The following DPP6 variants were observed in gnomAD, a reference collection of about 807,000 sequenced individuals.
DPP6 encodes dipeptidyl peptidase like 6, also known as A-type potassium channel modulatory protein DPP6.
In DPP6, 69 loss-of-function variants were observed where a neutral mutation model predicts 122.6. The ratio of observed to expected loss-of-function variants is 0.56; its 90% CI spans 0.46 to 0.69. The LOEUF (loss-of-function observed/expected upper bound fraction) is 0.69. DPP6 is among the 30% of genes least tolerant of loss of function. The pLI, the probability that DPP6 is intolerant of heterozygous loss-of-function variation, is 0.00. For synonymous variants in DPP6, 418 were observed against 433.1 expected, an observed-to-expected ratio of 0.97 and a Z score of 0.43; for missense variants, 928 against 1,116.9, an observed-to-expected ratio of 0.83 and a Z score of 2.41.
chr7:154,146,730 C>T (rs1319286470), intron 1 of DPP6, among the ~76,000 whole-genome samples: 2 of 152,022 alleles, frequency 1.3e-5, no homozygotes, highest in Non-Finnish European at 1.5e-5. Flanking sequence ...GCACTTGTGT[C>T]GGAGAAAGAC....
At chr7:153,952,772 T>G (rs1347564283) in intron 1 of DPP6, among the ~76,000 whole-genome samples, 1 of 152,230 alleles carries the variant, frequency 6.6e-6, no homozygotes, top group Non-Finnish European at 1.5e-5. Context: ...CATCCTTCAC[T>G]ATGAGAACTT....
intron 8 of DPP6, among the ~76,000 whole-genome samples, chr7:154,736,611 T>C (rs905075479): frequency 6.6e-6 from 1 of 152,240 alleles, no homozygotes; most frequent in Non-Finnish European, 1.5e-5. Flanking sequence ...ACGAGGCTAC[T>C]GACATCATGT....
chr7:154,063,294 C>G (rs1262386756), intron 1 of DPP6, among the ~76,000 whole-genome samples: 1 of 132,342 alleles, frequency 7.6e-6, no homozygotes, highest in Non-Finnish European at 1.6e-5. Context: ...GGAGGGACCC[C>G]CCATGAGGCG....
chr7:153,749,320 A>G, the DPP6 span, among the ~76,000 whole-genome samples: 1 of 152,000 alleles, frequency 6.6e-6, no homozygotes, highest in African/African-American at 2.4e-5. This position sits in a 1 kb window ranked among gnomAD's most constrained non-coding sequence, Gnocchi z 4.1. Context: ...GCTGTTTCCC[A>G]TGATTGCGAG....
intron 5 of DPP6, among the ~76,000 whole-genome samples, chr7:154,584,227 C>G (rs1832278366): frequency 6.6e-6 from 1 of 152,186 alleles, no homozygotes; most frequent in Middle Eastern, 3.2e-3. Flanking sequence ...TGCTCCTTCC[C>G]TCTCACCTCT....
intron 1 of DPP6, among the ~76,000 whole-genome samples, chr7:154,361,895 C>T (rs1400410729): frequency 1.3e-5 from 2 of 152,212 alleles, no homozygotes; most frequent in Non-Finnish European, 2.9e-5. Context: ...ATCGACTTAT[C>T]GACTGCACTG....
intron 1 of DPP6, among the ~76,000 whole-genome samples, chr7:154,000,873 A>C (rs1017622879): frequency 2.0e-5 from 3 of 152,190 alleles, no homozygotes; most frequent in Non-Finnish European, 4.4e-5. Context: ...GACGGACTCC[A>C]GGCTTTAAGT....
intron 1 of DPP6, among the ~76,000 whole-genome samples, chr7:154,073,186 C>G (rs1039932891): frequency 6.6e-6 from 1 of 152,232 alleles, no homozygotes; most frequent in African/African-American, 2.4e-5. Context: ...TTCCTTCGTG[C>G]CCTGGGCGGC....
intron 1 of DPP6, among the ~76,000 whole-genome samples, chr7:153,901,944 A>G (rs1402845773): frequency 1.3e-5 from 2 of 152,256 alleles, no homozygotes; most frequent in African/African-American, 4.8e-5. Flanking sequence ...GTTTAGTTGT[A>G]GCAAAAATGT....
chr7:153,798,099 C>T, the DPP6 span, among the ~76,000 whole-genome samples: 1 of 152,134 alleles, frequency 6.6e-6, no homozygotes, highest in Non-Finnish European at 1.5e-5. Flanking sequence ...GCCTCGGCCT[C>T]CCAAAGTGCT....
chr7:153,788,085 G>A, the DPP6 span, among the ~76,000 whole-genome samples: 1 of 152,116 alleles, frequency 6.6e-6, no homozygotes, highest in Non-Finnish European at 1.5e-5. Flanking sequence ...TTCAAGACAT[G>A]GAGAATATTT....
intron 5 of DPP6, among the ~76,000 whole-genome samples, chr7:154,567,940 C>T (rs1214981657): frequency 6.6e-6 from 1 of 152,342 alleles, no homozygotes; most frequent in Non-Finnish European, 1.5e-5. Flanking sequence ...CTGGAGATTT[C>T]AACTTTATTC....
At chr7:154,213,250 A>C (rs116158690) in intron 1 of DPP6, among the ~76,000 whole-genome samples, 1,989 of 152,328 alleles carry the variant, frequency 0.013, 49 homozygotes, top group African/African-American at 0.045. Flanking sequence ...GGCCAGGGGA[A>C]GAGAGTTTGC....
intron 3 of DPP6, among the ~76,000 whole-genome samples, chr7:154,491,215 A>T (rs1356732845): frequency 6.6e-6 from 1 of 152,232 alleles, no homozygotes; most frequent in African/African-American, 2.4e-5. Flanking sequence ...GTTGGGTTTT[A>T]AAAACTTAAT....
intron 16 of DPP6, among the ~76,000 whole-genome samples, chr7:154,811,944 A>G (rs1266321423): frequency 1.3e-5 from 2 of 152,220 alleles, no homozygotes; most frequent in Non-Finnish European, 2.9e-5. Context: ...AACCAAAAAA[A>G]TCCTCCTTTT....
chr7:154,407,317 C>T (rs1816200485), intron 1 of DPP6, among the ~76,000 whole-genome samples: 1 of 152,152 alleles, frequency 6.6e-6, no homozygotes, highest in African/African-American at 2.4e-5. Context: ...ATCATGGTTC[C>T]CTTCATGAAA....
At chr7:154,566,386 AT>A (rs1447519341) in intron 4 of DPP6, among the ~76,000 whole-genome samples, 2 of 151,890 alleles carry the variant, frequency 1.3e-5, no homozygotes, top group African/African-American at 4.8e-5. Flanking sequence ...GGTTCAAGTG[AT>A]TTTCATGCCT....
At position 154,624,326 on chromosome 7, in the gene DPP6, T is replaced by A. The variant is rs1285577433; in HGVS notation, c.628-13495T>A. On this transcript the variant is annotated intron_variant, in intron 5 of 25. Coordinates refer to ENST00000377770, the MANE Select transcript of DPP6 (RefSeq NM_130797.4). The surrounding 1 kb of genome is among the most constrained non-coding windows in gnomAD (Gnocchi z 4.7). ...AGGGCGACAGAGTGAGACTCCATCT[T>A]AAAAAAAAAAAAAAAATCAGCTTGG... Among the ~76,000 whole-genome samples the A allele has an allele frequency of 1.4e-5, 2 of 139,964 alleles. No homozygotes were observed. The highest frequency in any genetic ancestry group is 3.1e-5 in the Non-Finnish European group (2 of 65,306). 91.8% of individuals were successfully genotyped at this position (139,964 alleles called of 152,430 possible).
In DPP6 at chr7:154,481,343, A is replaced by T. The variant is rs867325263; in HGVS notation, c.457+6306A>T. On this transcript the variant is annotated intron_variant, in intron 3 of 25. Transcript: ENST00000377770. This position sits in a 1 kb window ranked among gnomAD's most constrained non-coding sequence, Gnocchi z 4.2. ...GCTATACACTTGGAGAGAGAGAGAG[A>T]GGGGTGTGTGTGTGTGTGTGTGTGT... is the stretch of plus-strand genomic sequence containing the variant. Among the ~76,000 whole-genome samples, 3 of 72,462 alleles carry T rather than the reference A, an allele frequency of 4.1e-5. No individual in the cohort carries two copies. Among genetic ancestry groups the T allele is most frequent in the South Asian group, 6.5e-4 (1 of 1,532 alleles). The allele number at this position is 72,462 out of a possible 152,430, so 47.5% of individuals were successfully genotyped here.
Sources: gnomAD v4.1 joint callset for allele counts (sites outside exome capture counted in the v4.1 genomes callset) on GRCh38, gnomAD v4.1.1 for gene constraint, Gnocchi (gnomAD v3.1) non-coding constraint, MANE v1.5 for transcripts, NCBI Gene and HGNC (gene_info 2026-07-23, HGNC 2026-07-21) for gene names.